Variants in MAP2K4 observed in about 807,000 individuals in gnomAD.
The protein encoded by MAP2K4 is dual specificity mitogen-activated protein kinase kinase 4.
In MAP2K4, 4 loss-of-function variants were observed where a neutral mutation model predicts 48.5. The observed-to-expected ratio is 0.08, with a 90% CI of 0.04 to 0.19. The LOEUF (loss-of-function observed/expected upper bound fraction) is 0.19. MAP2K4 is among the 10% of genes least tolerant of loss of function. MAP2K4 has a pLI of 1.00. For missense variants in MAP2K4, 258 were observed against 493.3 expected (o/e 0.52, Z 4.52); for synonymous variants, 166 against 173.1 (o/e 0.96, Z 0.32).
intron 4 of MAP2K4, among the ~76,000 whole-genome samples, chr17:12,104,557 C>T (rs920937806): frequency 1.3e-5 from 2 of 151,702 alleles, no homozygotes; most frequent in Middle Eastern, 3.4e-3. Flanking sequence ...TGTATTTAGG[C>T]TTTTTTTAAA....
intron 4 of MAP2K4, among the ~76,000 whole-genome samples, chr17:12,100,204 C>T (rs905938455): frequency 1.3e-5 from 2 of 152,152 alleles, no homozygotes; most frequent in Admixed American, 6.5e-5. Context: ...TTCCTTACAC[C>T]ACGTAGGTAA....
intron 2 of MAP2K4, among the ~76,000 whole-genome samples, chr17:12,078,635 A>G (rs922247881): frequency 4.6e-5 from 7 of 152,200 alleles, no homozygotes; most frequent in African/African-American, 1.7e-4. Context: ...ATTGTAGGCA[A>G]ATATTTATGA....
At chr17:12,021,702 A>G (rs1049893387) in intron 1 of MAP2K4, among the ~76,000 whole-genome samples, 1 of 141,010 alleles carries the variant, frequency 7.1e-6, no homozygotes, top group Non-Finnish European at 1.5e-5. Flanking sequence ...GTTCCAGGCC[A>G]GGGATTTCTG....
At chr17:12,086,364 G>C (rs1303092847) in intron 3 of MAP2K4, among the ~76,000 whole-genome samples, 1 of 152,190 alleles carries the variant, frequency 6.6e-6, no homozygotes, top group Non-Finnish European at 1.5e-5. Context: ...ACATATTCAA[G>C]GGGTGTGGCA....
chr17:12,030,328 A>G (rs1169322501), intron 1 of MAP2K4, among the ~76,000 whole-genome samples: 1 of 152,182 alleles, frequency 6.6e-6, no homozygotes, highest in African/African-American at 2.4e-5. Flanking sequence ...GTTACCAAGT[A>G]TTTTCTTAGT....
chr17:12,057,955 T>A (rs760199583), intron 2 of MAP2K4, among the ~76,000 whole-genome samples: 5 of 152,114 alleles, frequency 3.3e-5, no homozygotes, highest in Non-Finnish European at 7.4e-5. Context: ...TTTTACATCT[T>A]ATAATTTTTT....
intron 2 of MAP2K4, among the ~76,000 whole-genome samples, chr17:12,057,603 CT>C (rs199784626): frequency 0.013 from 1,995 of 152,062 alleles, 15 homozygotes; most frequent in Middle Eastern, 0.027. Flanking sequence ...TGCTGCTTTC[CT>C]TTTGATACAT....
intron 1 of MAP2K4, among the ~76,000 whole-genome samples, chr17:12,031,356 T>C (rs1197219744): frequency 2.0e-5 from 3 of 152,238 alleles, no homozygotes; most frequent in Non-Finnish European, 4.4e-5. Context: ...CAGTCCTGGC[T>C]CTTTTTTCTG....
intron 1 of MAP2K4, among the ~76,000 whole-genome samples, chr17:12,025,150 A>G (rs1969216651): frequency 1.3e-5 from 2 of 152,196 alleles, no homozygotes; most frequent in Non-Finnish European, 2.9e-5. Context: ...TGAAGTGTAA[A>G]GAGCACTGGA....
chr17:12,088,091 T>C (rs1234941173), intron 3 of MAP2K4, among the ~76,000 whole-genome samples: 1 of 152,148 alleles, frequency 6.6e-6, no homozygotes, highest in Non-Finnish European at 1.5e-5. Flanking sequence ...TCTAGGATTT[T>C]CCAACTTTGT....
intron 1 of MAP2K4, among the ~76,000 whole-genome samples, chr17:12,043,781 A>G (rs1194718869): frequency 2.0e-5 from 3 of 151,980 alleles, no homozygotes; most frequent in South Asian, 4.2e-4. Context: ...TCCTTGATTC[A>G]TTTACCAATC....
intron 9 of MAP2K4, among the ~76,000 whole-genome samples, chr17:12,130,688 C>A (rs1972993024): frequency 6.6e-6 from 1 of 152,136 alleles, no homozygotes; most frequent in Non-Finnish European, 1.5e-5. Flanking sequence ...CATGTCATTG[C>A]AAATCATTAA....
chr17:12,056,773 C>T (rs1489075014), intron 2 of MAP2K4, among the ~76,000 whole-genome samples: 3 of 152,112 alleles, frequency 2.0e-5, no homozygotes, highest in Non-Finnish European at 2.9e-5. Context: ...TCCTTTTGTA[C>T]TCTTCCTCTG....
At chr17:12,037,687 G>A (rs1280273351) in intron 1 of MAP2K4, among the ~76,000 whole-genome samples, 1 of 152,068 alleles carries the variant, frequency 6.6e-6, no homozygotes, top group Non-Finnish European at 1.5e-5. Flanking sequence ...TTAGCCGTAA[G>A]CCAGACTAAC....
intron 2 of MAP2K4, among the ~76,000 whole-genome samples, chr17:12,056,216 T>C (rs1362549006): frequency 1.3e-5 from 2 of 152,110 alleles, no homozygotes; most frequent in African/African-American, 2.4e-5. Context: ...GGAAAGGATA[T>C]AGCAGTAATC....
At chr17:12,043,550 C>T (rs533953807) in intron 1 of MAP2K4, among the ~76,000 whole-genome samples, 1 of 152,194 alleles carries the variant, frequency 6.6e-6, no homozygotes, top group Admixed American at 6.5e-5. Flanking sequence ...TGGGGGTTCC[C>T]ATTATCAAAC....
chr17:12,022,122 C>G (rs1020237543), intron 1 of MAP2K4, among the ~76,000 whole-genome samples: 1 of 152,190 alleles, frequency 6.6e-6, no homozygotes, highest in Non-Finnish European at 1.5e-5. Flanking sequence ...TTCCATTCCT[C>G]TTAAAGGGCT....
At chr17:12,088,404 G>T (rs913719930) in intron 3 of MAP2K4, among the ~76,000 whole-genome samples, 2 of 139,520 alleles carry the variant, frequency 1.4e-5, no homozygotes, top group African/African-American at 2.6e-5. Flanking sequence ...CAACTGTGTT[G>T]TAATATTATA....
In MAP2K4 at chr17:12,141,365, G is replaced by C; in HGVS notation, c.*105G>C. 1.2e-6 allele frequency: 1 copy of C among 805,320 alleles called. No homozygotes were observed. The highest frequency in any genetic ancestry group is 1.4e-5 in the South Asian group (1 of 70,264). The allele number at this position is 805,320 out of a possible 1,614,324, so 49.9% of individuals were successfully genotyped here. On this transcript the variant is annotated 3_prime_UTR_variant, in exon 11 of 11. Coordinates refer to ENST00000353533, the MANE Select transcript of MAP2K4 (RefSeq NM_003010.4). ...TTTTTATTGCTCGCCCAGACACCAT[G>C]TGCAATAAGATTGGTGTTCGTTTCC...
Sources: gnomAD v4.1 joint callset for allele counts (sites outside exome capture counted in the v4.1 genomes callset) on GRCh38, gnomAD v4.1.1 for gene constraint, MANE v1.5 for transcripts, NCBI Gene and HGNC (gene_info 2026-07-23, HGNC 2026-07-21) for gene names.